PCCA: variants seen among roughly 807,000 people sequenced by gnomAD.
The protein encoded by PCCA is propionyl-CoA carboxylase subunit alpha.
In PCCA, 74 loss-of-function variants were observed where a neutral mutation model predicts 101.3. The ratio of observed to expected loss-of-function variants is 0.73; its 90% confidence interval spans 0.61 to 0.89. The LOEUF (loss-of-function observed/expected upper bound fraction) is 0.89. PCCA is among the 40% of genes least tolerant of loss of function. PCCA has a pLI of 0.00. For missense variants in PCCA, 891 were observed against 907.0 expected (o/e 0.98, Z 0.23); for synonymous variants, 294 against 313.6 (o/e 0.94, Z 0.66).
chr13:100,514,705 T>A (rs955660595), intron 21 of PCCA, among the ~76,000 whole-genome samples: 1 of 152,240 alleles, frequency 6.6e-6, no homozygotes, highest in Non-Finnish European at 1.5e-5. Context: ...GAAGGTGCCA[T>A]GAATATACTT....
chr13:100,457,638 G>T (rs980123667), intron 21 of PCCA, among the ~76,000 whole-genome samples: 1 of 152,140 alleles, frequency 6.6e-6, no homozygotes, highest in Admixed American at 6.5e-5. Context: ...TGCAGTAATC[G>T]CACCTGCCCT....
chr13:100,282,210 A>G (rs564701197), intron 12 of PCCA, among the ~76,000 whole-genome samples: 1 of 152,348 alleles, frequency 6.6e-6, no homozygotes, highest in East Asian at 1.9e-4. Context: ...GGCTTTGTGA[A>G]TATTTTCATA....
intron 4 of PCCA, among the ~76,000 whole-genome samples, chr13:100,117,072 A>G (rs1338734421): frequency 6.6e-6 from 1 of 152,172 alleles, no homozygotes; most frequent in East Asian, 1.9e-4. Context: ...AGAAATGTCT[A>G]GGTCAGGGTG....
chr13:100,192,710 C>T (rs75572887), intron 6 of PCCA, among the ~76,000 whole-genome samples: 2,146 of 152,206 alleles, frequency 0.014, 60 homozygotes, highest in African/African-American at 0.049. Flanking sequence ...AAGAAAAGAA[C>T]GGTTTACAGA....
intron 16 of PCCA, among the ~76,000 whole-genome samples, chr13:100,322,560 CTTTTTTTTAATTT>C (rs1348167578): frequency 1.3e-5 from 2 of 150,566 alleles, no homozygotes; most frequent in African/African-American, 4.9e-5. Context: ...TTGCAATTTT[CTTTTTTTTAATTT>C]TTTTTTTTTC....
intron 6 of PCCA, among the ~76,000 whole-genome samples, chr13:100,201,858 A>C (rs1172499644): frequency 9.0e-5 from 1 of 11,140 alleles, no homozygotes; most frequent in African/African-American, 1.9e-3. Flanking sequence ...ACTGCGTCTC[A>C]AAAAAAAAAA....
intron 6 of PCCA, among the ~76,000 whole-genome samples, chr13:100,182,748 C>T (rs1255833011): frequency 6.6e-6 from 1 of 152,054 alleles, no homozygotes; most frequent in Non-Finnish European, 1.5e-5. Flanking sequence ...ATGATATAGA[C>T]CAGGGATCCT....
chr13:100,145,357 G>A (rs948873926), intron 4 of PCCA, among the ~76,000 whole-genome samples: 9 of 152,266 alleles, frequency 5.9e-5, no homozygotes, highest in Middle Eastern at 3.4e-3. Context: ...GATACTAGTC[G>A]TGTCCCCTCA....
chr13:100,469,371 T>C (rs2082803098), intron 21 of PCCA, among the ~76,000 whole-genome samples: 1 of 152,142 alleles, frequency 6.6e-6, no homozygotes, highest in African/African-American at 2.4e-5. Context: ...GAATCCTACA[T>C]GATTCCTGGC....
chr13:100,368,682 C>G lies in PCCA; in HGVS notation c.1746+108C>G, dbSNP rs766969260. 8.3e-6 allele frequency: 6 copies of G among 726,636 alleles called. No homozygotes were observed. In the Admixed American group the frequency reaches 9.1e-5, roughly 11 times the overall value. The allele number at this position is 726,636 out of a possible 1,614,324, so 45.0% of individuals were successfully genotyped here. A position where few individuals can be genotyped will look rare whatever the true frequency, so the allele number is the denominator to read the frequency against. On this transcript the variant is annotated intron_variant, in intron 19 of 23. Transcript: ENST00000376285. ...CTCGTCTTTTGAATTTGTAGTACCT[C>G]TATGTATTTTTCATCTTCTTTAGGA...
intron 19 of PCCA, among the ~76,000 whole-genome samples, chr13:100,377,868 T>A (rs1279166679): frequency 6.8e-6 from 1 of 148,136 alleles, no homozygotes; most frequent in Non-Finnish European, 1.5e-5. Context: ...GAGGTTTTGT[T>A]CCTGTCATAT....
intron 19 of PCCA, among the ~76,000 whole-genome samples, chr13:100,422,070 T>TTTCTTTCTTTCTTTATTTCTTTCTTTC (rs10668689): frequency 4.1e-4 from 45 of 110,706 alleles, no homozygotes; most frequent in African/African-American, 1.5e-3. Flanking sequence ...TTCTCTTTTC[T>TTTCTTTCTTTCTTTATTTCTTTCTTTC]TTTCTTTCTT....
intron 6 of PCCA, among the ~76,000 whole-genome samples, chr13:100,188,899 A>T (rs9518020): frequency 0.7 from 105,779 of 150,530 alleles, 38,095 homozygotes; most frequent in African/African-American, 0.88. Context: ...TTTTTTTTTT[A>T]AATTATACTT....
intron 10 of PCCA, among the ~76,000 whole-genome samples, chr13:100,263,853 A>ATAT (rs2062706464): frequency 2.0e-5 from 3 of 148,400 alleles, no homozygotes; most frequent in African/African-American, 7.4e-5. Context: ...GTATATATAT[A>ATAT]TATGGTATCT....
intron 4 of PCCA, among the ~76,000 whole-genome samples, chr13:100,153,694 A>C (rs1238253920): frequency 6.6e-6 from 1 of 152,176 alleles, no homozygotes; most frequent in African/African-American, 2.4e-5. Context: ...GATAACCACG[A>C]GGAAGGCCTT....
chr13:100,127,924 T>C (rs115610241), intron 4 of PCCA, among the ~76,000 whole-genome samples: 67 of 152,202 alleles, frequency 4.4e-4, no homozygotes, highest in African/African-American at 1.5e-3. Flanking sequence ...AGATTTGATA[T>C]ACAGTTTACC....
Position 100,442,901 on chromosome 13 carries a change from A to G in PCCA, c.1846-6351A>G, listed in dbSNP as rs2080484926. On this transcript the variant is annotated intron_variant, in intron 20 of 23. Coordinates refer to ENST00000376285, the MANE Select transcript of PCCA (RefSeq NM_000282.4). ...AGAAGGGGCAAAGCAGAGGCTCTGA[A>G]ACGGGACAAGCTTGTTTTGTGTGAA... 3.3e-5 allele frequency among the ~76,000 whole-genome samples: 5 copies of G among 152,088 alleles called. No homozygotes were observed. In the South Asian group the frequency reaches 1.0e-3, roughly 32 times the overall value.
chr13:100,223,878 C>T (rs1245494215), intron 7 of PCCA, among the ~76,000 whole-genome samples: 1 of 152,208 alleles, frequency 6.6e-6, no homozygotes, highest in Non-Finnish European at 1.5e-5. Flanking sequence ...TTGGTGCATT[C>T]ACAAACCCTG....
chr13:100,251,945 CG>C (rs1462692136), intron 8 of PCCA, among the ~76,000 whole-genome samples: 2 of 152,194 alleles, frequency 1.3e-5, no homozygotes, highest in African/African-American at 4.8e-5. Flanking sequence ...GAACTCCCCC[CG>C]CCATCAGCAC....
Sources: allele counts gnomAD v4.1 joint callset (sites outside exome capture counted in the v4.1 genomes callset), GRCh38; gene constraint gnomAD v4.1.1; transcripts MANE v1.5; gene names NCBI Gene and HGNC (gene_info 2026-07-23, HGNC 2026-07-21).